The following ANKS1B variants were observed in gnomAD, a reference collection of about 807,000 sequenced individuals.
The protein encoded by ANKS1B is ankyrin repeat and sterile alpha motif domain-containing protein 1B.
ANKS1B carries 36 observed loss-of-function variants against 148.3 expected under a neutral mutation model. That is an observed-to-expected ratio of 0.24 (90% confidence interval 0.19 to 0.32). The LOEUF (loss-of-function observed/expected upper bound fraction) is 0.32, where lower values mean the gene tolerates loss of function less well. Among genes scored for constraint, ANKS1B ranks in the 10% least tolerant of loss-of-function variants. The pLI is 1.00. For missense variants in ANKS1B, 1,157 were observed against 1,542.6 expected (o/e 0.75, Z 4.19); for synonymous variants, 542 against 560.8 (o/e 0.97, Z 0.47).
chr12:99,602,528 AT>A (rs1224354907), intron 9 of ANKS1B, among the ~76,000 whole-genome samples: 6 of 152,232 alleles, frequency 3.9e-5, no homozygotes, highest in South Asian at 2.1e-4. Flanking sequence ...GCCTCAAAGT[AT>A]CTTCAGGTGA....
chr12:98,904,386 C>T (rs1486521239), intron 17 of ANKS1B, among the ~76,000 whole-genome samples: 2 of 152,132 alleles, frequency 1.3e-5, no homozygotes, highest in African/African-American at 2.4e-5. Flanking sequence ...TACCATAAGT[C>T]GAAGGGGTCA....
At chr12:99,205,541 T>A (rs2082562096) in intron 14 of ANKS1B, among the ~76,000 whole-genome samples, 1 of 152,184 alleles carries the variant, frequency 6.6e-6, no homozygotes, top group Non-Finnish European at 1.5e-5. Context: ...GCAGGAGAGA[T>A]GTTACTGAGC....
At chr12:98,877,293 T>A (rs1302719251) in intron 17 of ANKS1B, among the ~76,000 whole-genome samples, 1 of 152,196 alleles carries the variant, frequency 6.6e-6, no homozygotes, top group Non-Finnish European at 1.5e-5. Flanking sequence ...TTTCCAAAAC[T>A]TCTAATGAGA....
intron 17 of ANKS1B, among the ~76,000 whole-genome samples, chr12:98,841,706 A>G: frequency 6.6e-6 from 1 of 152,268 alleles, no homozygotes; most frequent in Middle Eastern, 3.4e-3. Context: ...AGAAAGTATT[A>G]TAAGGAAAGC....
chr12:99,485,717 T>C (rs754006759), intron 10 of ANKS1B, among the ~76,000 whole-genome samples: 1 of 152,164 alleles, frequency 6.6e-6, no homozygotes, highest in Non-Finnish European at 1.5e-5. Context: ...ACTGTATTCA[T>C]TTCTTTTGAT....
At chr12:99,405,820 T>G (rs1213966623) in intron 11 of ANKS1B, among the ~76,000 whole-genome samples, 1 of 142,796 alleles carries the variant, frequency 7.0e-6, no homozygotes, top group Non-Finnish European at 1.5e-5. Flanking sequence ...AAGATACACA[T>G]AGACTGAAAA....
At chr12:99,677,129 A>G (rs895191050) in intron 8 of ANKS1B, among the ~76,000 whole-genome samples, 1 of 152,250 alleles carries the variant, frequency 6.6e-6, no homozygotes, top group Non-Finnish European at 1.5e-5. Flanking sequence ...AAGGGCTTAT[A>G]AAAGTGAATC....
intron 9 of ANKS1B, among the ~76,000 whole-genome samples, chr12:99,597,934 A>G (rs2097771136): frequency 6.6e-6 from 1 of 152,044 alleles, no homozygotes; most frequent in African/African-American, 2.4e-5. Flanking sequence ...ACCAAGTGTT[A>G]AATTATTTTT....
chr12:99,665,737 C>T (rs1470565430), intron 8 of ANKS1B, among the ~76,000 whole-genome samples: 1 of 152,192 alleles, frequency 6.6e-6, no homozygotes, highest in East Asian at 1.9e-4. Context: ...CCGCCCGCCT[C>T]AGCCTCCCAA....
At chr12:99,775,523 C>T (rs1380215755) in intron 7 of ANKS1B, 25 bp downstream of exon 7, 2 of 1,514,768 alleles carry the variant, frequency 1.3e-6, no homozygotes, top group Non-Finnish European at 1.8e-6. Context: ...GTATAGATTC[C>T]AGGGCTTTAT....
At chr12:99,512,692 A>G in intron 9 of ANKS1B, among the ~76,000 whole-genome samples, 1 of 152,182 alleles carries the variant, frequency 6.6e-6, no homozygotes, top group Non-Finnish European at 1.5e-5. Flanking sequence ...AAAATGTGGT[A>G]CATATACACC....
intron 1 of ANKS1B, among the ~76,000 whole-genome samples, chr12:99,983,359 T>C (rs915148123): frequency 7.2e-5 from 11 of 152,186 alleles, no homozygotes; most frequent in African/African-American, 2.4e-4. Flanking sequence ...TTTTTTTAAA[T>C]GTCATCTTAG....
At chr12:99,395,561 A>G (rs911097879) in intron 12 of ANKS1B, among the ~76,000 whole-genome samples, 3 of 152,124 alleles carry the variant, frequency 2.0e-5, no homozygotes, top group Non-Finnish European at 2.9e-5. Flanking sequence ...TCCCTTTGCT[A>G]TGAAACTATT....
In ANKS1B at chr12:99,878,822, T is replaced by C. The variant is rs546403290; in HGVS notation, c.135-53433A>G. Among the ~76,000 whole-genome samples, 123 of 152,290 alleles carry C rather than the reference T, an allele frequency of 8.1e-4. 2 individuals are homozygous for C. The highest frequency in any genetic ancestry group is 2.6e-3 in the African/African-American group (110 of 41,572). Reference sequence around the variant, plus strand: ...TTTCTTACTCTCTTATTCTTCCTTTTCTATAGTATTATGTTTTTATTTTAT... The same window carrying C: ...TTTCTTACTCTCTTATTCTTCCTTTCCTATAGTATTATGTTTTTATTTTAT... On this transcript the variant is annotated intron_variant, in intron 1 of 26. Transcript: ENST00000683438.
chr12:99,786,983 A>G (rs2065070391), intron 4 of ANKS1B, among the ~76,000 whole-genome samples: 1 of 152,240 alleles, frequency 6.6e-6, no homozygotes, highest in Non-Finnish European at 1.5e-5. Context: ...ACTAGAACAA[A>G]AGAATAATTA....
At chr12:98,934,238 T>C (rs2099816419) in intron 17 of ANKS1B, among the ~76,000 whole-genome samples, 1 of 152,154 alleles carries the variant, frequency 6.6e-6, no homozygotes, top group Non-Finnish European at 1.5e-5. Flanking sequence ...TCAATATCAT[T>C]AGTTGAAGAG....
At chr12:99,109,709 C>G (rs532639708) in intron 15 of ANKS1B, among the ~76,000 whole-genome samples, 2 of 152,168 alleles carry the variant, frequency 1.3e-5, no homozygotes, top group African/African-American at 4.8e-5. Context: ...GGTCACCTAG[C>G]TGGGAAATTC....
In ANKS1B at chr12:99,143,760, A is replaced by AG. The variant is rs1175399122; in HGVS notation, c.2526+10528_2526+10529insC. On this transcript the variant is annotated intron_variant, in intron 15 of 26. Coordinates refer to ENST00000683438, the MANE Select transcript of ANKS1B (RefSeq NM_001352186.2). ...GTTTCCTTAGTCTAGACTGCTTAAT[A>AG]TCTGTATAAGGCCATTTTTTTCTTC... is the stretch of plus-strand genomic sequence containing the variant. Among the ~76,000 whole-genome samples, 19 of 152,068 alleles carry AG rather than the reference A, an allele frequency of 1.2e-4. No individual in the cohort carries two copies. The South Asian group carries it at 2.7e-3, about 22-fold the overall frequency.
chr12:98,800,931 C>A, intron 21 of ANKS1B, 66 bp downstream of exon 21: 1 of 1,522,294 alleles, frequency 6.6e-7, no homozygotes, highest in Non-Finnish European at 8.9e-7. Flanking sequence ...AATGTAAATG[C>A]AAACAAGCTG....
Sources: allele counts gnomAD v4.1 joint callset (sites outside exome capture counted in the v4.1 genomes callset), GRCh38; gene constraint gnomAD v4.1.1; transcripts MANE v1.5; gene names NCBI Gene and HGNC (gene_info 2026-07-23, HGNC 2026-07-21).